The following TMC6 variants were observed in gnomAD, a reference collection of about 807,000 sequenced individuals.
TMC6 encodes the protein transmembrane channel-like protein 6.
In TMC6, 71 loss-of-function variants were observed where a neutral mutation model predicts 95.4. The observed-to-expected ratio is 0.74, with a 90% CI of 0.61 to 0.91. TMC6 has a LOEUF of 0.91. TMC6 is among the 40% of genes least tolerant of loss of function. The pLI, the probability that TMC6 is intolerant of heterozygous loss-of-function variation, is 0.00. For missense variants in TMC6, 1,074 were observed against 1,079.1 expected (o/e 1.00, Z 0.07); for synonymous variants, 514 against 483.1 (o/e 1.06, Z -0.84).
Position 78,108,393 on chromosome 17 carries a change from C to G in TMC6, c.*4755G>C, listed in dbSNP as rs941882166. The G allele has an allele frequency of 5.8e-5, 9 of 154,910 alleles. No individual in the cohort carries two copies. Among genetic ancestry groups the G allele is most frequent in the African/African-American group, 2.2e-4 (9 of 41,544 alleles). The allele number at this position is 154,910 out of a possible 1,614,324, so 9.6% of individuals were successfully genotyped here. ...AAAGAAGGAAGCTGGGAATGAAACT[C>G]AAAATGCACTTGAACCTGGAAGCGG... On this transcript the variant is annotated 3_prime_UTR_variant, in exon 20 of 20. Transcript: ENST00000590602.
rs1303414734 is a variant in TMC6 at position 78,112,075 on chromosome 17, C to G, written c.*1073G>C. 4.3e-6 allele frequency: 1 copy of G among 230,418 alleles called. No homozygotes were observed. Among genetic ancestry groups the G allele is most frequent in the Non-Finnish European group, 8.9e-6 (1 of 112,558 alleles). The allele number at this position is 230,418 out of a possible 1,614,324, so 14.3% of individuals were successfully genotyped here. On this transcript the variant is annotated 3_prime_UTR_variant, in exon 20 of 20. Coordinates refer to ENST00000590602, the MANE Select transcript of TMC6 (RefSeq NM_001127198.5). ...GGCTGGTCCCCGCAGGCCTGGAGCA[C>G]AGGCTGACGGGCTGGTCCCCGCAGG...
At chr17:78,126,501 C>T in intron 3 of TMC6, 23 bp downstream of exon 3, 1 of 1,612,648 alleles carries the variant, frequency 6.2e-7, no homozygotes. Flanking sequence ...TCCACACCAC[C>T]CAGCATCCAG....
intron 5 of TMC6, 87 bp downstream of exon 5, chr17:78,125,639 C>T: frequency 6.6e-7 from 1 of 1,523,074 alleles, no homozygotes; most frequent in Non-Finnish European, 8.8e-7. Flanking sequence ...TCTGCAGCAC[C>T]CCAGCCACCG....
At chr17:78,126,064 G>T (rs2074695681) in intron 4 of TMC6, 180 bp from the exon 5 acceptor site, 6 of 1,143,964 alleles carry the variant, frequency 5.2e-6, no homozygotes, top group Non-Finnish European at 2.4e-6. Flanking sequence ...GATGACTCTG[G>T]AGTCATTTTT....
At chr17:78,131,863 T>A, upstream of TMC6, 1 of 1,461,430 alleles carries the variant, frequency 6.8e-7, no homozygotes, top group Non-Finnish European at 9.0e-7. Flanking sequence ...GGGGCGCCCC[T>A]GTCACCACCC....
chr17:78,121,078 G>C lies in TMC6; in HGVS notation c.1470C>G (p.Cys490Trp), dbSNP rs1215177981. The C allele has an allele frequency of 2.5e-6, 4 of 1,613,106 alleles. No homozygotes were observed. Among genetic ancestry groups the C allele is most frequent in the Non-Finnish European group, 8.5e-7 (1 of 1,179,948 alleles). ...GCGGCTCCAGGGCGGCCAGGACACGGCACAGGTAGGGGGCCCCCAGGTTGA... is the reference window on the plus strand; with the variant it reads ...GCGGCTCCAGGGCGGCCAGGACACGCCACAGGTAGGGGGCCCCCAGGTTGA... Reference protein sequence around the residue: ...GLLNLGAPYLCRVLAALEPHD... With the variant: ...GLLNLGAPYLWRVLAALEPHD... Residue 490 changes from cysteine (C) to tryptophan (W), a missense_variant, in exon 12 of 20, where the codon TGC becomes TGG. By Grantham distance (215) the Cys-to-Trp change is radical (BLOSUM62 -2). Transcript: ENST00000590602. This position sits in a 1 kb window ranked among gnomAD's most constrained non-coding sequence, Gnocchi z 5.6.
chr17:78,113,567 CCTT>C lies in TMC6; in HGVS notation c.2332_2334del (p.Lys778del). Reference sequence around the variant, plus strand: ...CCTCACCTGCTCCTCTCCTCCCTCTCCTTCCTCTCGTAGATGGAGTGAAGCTTG... The same window carrying C: ...CCTCACCTGCTCCTCTCCTCCCTCTCCCTCTCGTAGATGGAGTGAAGCTTG... On this transcript the variant is annotated inframe_deletion, in exon 19 of 20. Coordinates refer to ENST00000590602, the MANE Select transcript of TMC6 (RefSeq NM_001127198.5). The C allele has an allele frequency of 6.2e-7, 1 of 1,614,030 alleles. No individual in the cohort carries two copies. Among genetic ancestry groups the C allele is most frequent in the Non-Finnish European group, 8.5e-7 (1 of 1,180,014 alleles).
chr17:78,120,568 G>C, intron 13 of TMC6, 85 bp downstream of exon 13: 4 of 1,596,112 alleles, frequency 2.5e-6, no homozygotes, highest in Non-Finnish European at 3.4e-6. Context: ...GATGGGAAAG[G>C]TCCAGGCCTG....
Position 78,126,917 on chromosome 17 carries a change from A to G in TMC6, c.-74-11T>C, listed in dbSNP as rs1206376348. On this transcript the variant is annotated splice_polypyrimidine_tract_variant and intron_variant, in intron 1 of 19. Coordinates refer to ENST00000590602, the MANE Select transcript of TMC6 (RefSeq NM_001127198.5). ...CTCCGGAGCCCCCATCTGATGAGAC[A>G]GGGGCACAGAGCCAGGGGTGGTCTT... 5 of 1,485,670 alleles carry G rather than the reference A, an allele frequency of 3.4e-6. No individual in the cohort carries two copies. In the East Asian group the frequency reaches 7.2e-5, roughly 21 times the overall value. The allele number at this position is 1,485,670 out of a possible 1,614,324, so 92.0% of individuals were successfully genotyped here. A position where few individuals can be genotyped will look rare whatever the true frequency, so the allele number is the denominator to read the frequency against.
At position 78,125,216 on chromosome 17, in the gene TMC6, G is replaced by A; in HGVS notation, c.478C>T (p.Gln160Ter). ...ATCCCGCGAAGCATGTGGTCCCGCT[G>A]TGCCACTGCCAGGCTCTGGAGCTCC... ...VKELQSLAVA[Q>*]RDHMLRGMPL... Residue 160 changes from glutamine (Q) to a stop codon, truncating the protein, a stop_gained, in exon 6 of 20, where the codon CAG becomes TAG. Transcript: ENST00000590602. LOFTEE classifies it high-confidence loss of function. 2 of 1,591,058 alleles carry A rather than the reference G, an allele frequency of 1.3e-6. No individual in the cohort carries two copies. Among genetic ancestry groups the A allele is most frequent in the Non-Finnish European group, 1.7e-6 (2 of 1,168,386 alleles).
rs760659550 is a variant in TMC6 at position 78,109,362 on chromosome 17, C to T, written c.*3786G>A. ...GTGTCTACGGATGGACCAAGAAAACCTACGCAGGATCCACGTGGAAACAAA... is the reference window on the plus strand; with the variant it reads ...GTGTCTACGGATGGACCAAGAAAACTTACGCAGGATCCACGTGGAAACAAA... On this transcript the variant is annotated 3_prime_UTR_variant, in exon 20 of 20. Coordinates refer to ENST00000590602, the MANE Select transcript of TMC6 (RefSeq NM_001127198.5). 2.3e-6 allele frequency: 1 copy of T among 438,282 alleles called. No individual in the cohort carries two copies. 27.1% of individuals were successfully genotyped at this position (438,282 alleles called of 1,614,324 possible).
At chr17:78,123,071 A>G (rs1052947737) in intron 9 of TMC6, 3 of 464,948 alleles carry the variant, frequency 6.5e-6, no homozygotes, top group Non-Finnish European at 8.0e-6. Flanking sequence ...GCTGGTCCCA[A>G]TGACCAAAAC....
rs748669893 is a variant in TMC6 at position 78,113,529 on chromosome 17, T to A, written c.2354+19A>T. ...CCCTCCAGGCTCAGAGTGTCCCCAA[T>A]CCCTCCACGGACCCTCACCTGCTCC... is the stretch of plus-strand genomic sequence containing the variant. On this transcript the variant is annotated intron_variant, in intron 19 of 19. Coordinates refer to ENST00000590602, the MANE Select transcript of TMC6 (RefSeq NM_001127198.5). 3.1e-6 allele frequency: 5 copies of A among 1,613,214 alleles called. No homozygotes were observed. In the East Asian group the frequency reaches 8.9e-5, roughly 29 times the overall value.
intron 19 of TMC6, 118 bp downstream of exon 19, chr17:78,113,429 CA>C: frequency 7.5e-7 from 1 of 1,337,536 alleles, no homozygotes; most frequent in Non-Finnish European, 1.1e-6. Flanking sequence ...TTTTGTAGGT[CA>C]AAAGCGGTCA....
chr17:78,125,855 A>C lies in TMC6; in HGVS notation c.301T>G (p.Tyr101Asp). The C allele has an allele frequency of 6.4e-7, 1 of 1,551,652 alleles. No individual in the cohort carries two copies. The highest frequency in any genetic ancestry group is 8.7e-7 in the Non-Finnish European group (1 of 1,147,436). ...CGAAGCTGCACCGTGCGGTTGTAGT[A>C]CTGGGAGATGATGGCACCTCGGCTG... ...GRSRGAIISQYYNRTVQLRCR... is the reference protein window; with the variant it reads ...GRSRGAIISQDYNRTVQLRCR... The change falls in exon 5 of 20, where the codon TAC becomes GAC. Residue 101 changes from tyrosine to aspartate, a missense_variant. Physicochemically the swap from Tyr to Asp is radical, Grantham distance 160 (BLOSUM62 -3). Transcript: ENST00000590602.
chr17:78,118,107 T>C lies in TMC6; in HGVS notation c.1888-172A>G, dbSNP rs890658404. ...AGGAAGACAGAAGCCTGCCGGTCAC[T>C]TGCACGCAAACGGGTGATGCCAACA... On this transcript the variant is annotated intron_variant, in intron 15 of 19. Coordinates refer to ENST00000590602, the MANE Select transcript of TMC6 (RefSeq NM_001127198.5). The C allele has an allele frequency of 9.2e-5, 111 of 1,213,036 alleles. No homozygotes were observed. In the African/African-American group the frequency reaches 1.4e-3, roughly 16 times the overall value. The allele number at this position is 1,213,036 out of a possible 1,614,324, so 75.1% of individuals were successfully genotyped here.
At position 78,119,835 on chromosome 17, in the gene TMC6, A is replaced by G; in HGVS notation, c.1716-443T>C. On this transcript the variant is annotated intron_variant, in intron 13 of 19. Transcript: ENST00000590602. The stretch of plus-strand genomic sequence containing the variant: ...TATTTTTATTTTTATTTCTTTAGAG[A>G]CAAGGTCTCACTCTGTTGCCGAGGC... 2 of 363,262 alleles carry G rather than the reference A, an allele frequency of 5.5e-6. 1 individual carries two copies. The highest frequency in any genetic ancestry group is 1.0e-5 in the Non-Finnish European group (2 of 191,598). 22.5% of individuals were successfully genotyped at this position (363,262 alleles called of 1,614,324 possible).
At position 78,114,419 on chromosome 17, in the gene TMC6, G is replaced by A. The variant is rs144900576; in HGVS notation, c.2278-795C>T. On this transcript the variant is annotated intron_variant, in intron 18 of 19. Coordinates refer to ENST00000590602, the MANE Select transcript of TMC6 (RefSeq NM_001127198.5). ...CCTGCAATCGTAATTCCCCAGCCAC[G>A]CAACGTAACGTATTCACAGGCTCCA... 1.7e-3 allele frequency among the ~76,000 whole-genome samples: 258 copies of A among 152,230 alleles called. 1 individual carries two copies. Among genetic ancestry groups the A allele is most frequent in the African/African-American group, 5.6e-3 (233 of 41,532 alleles).
At chr17:78,127,155 T>A in intron 1 of TMC6, 1 of 519,372 alleles carries the variant, frequency 1.9e-6, no homozygotes, top group Non-Finnish European at 3.5e-6. Flanking sequence ...CAGTTCCACA[T>A]CTGTTTCCTC....
Sources: gnomAD v4.1 joint callset for allele counts (sites outside exome capture counted in the v4.1 genomes callset) on GRCh38, gnomAD v4.1.1 for gene constraint, Gnocchi (gnomAD v3.1) non-coding constraint, MANE v1.5 for transcripts, NCBI Gene and HGNC (gene_info 2026-07-23, HGNC 2026-07-21) for gene names.